FHIT: variants seen among roughly 807,000 people sequenced by gnomAD.
FHIT encodes the protein bis(5'-adenosyl)-triphosphatase.
In FHIT, 19 loss-of-function variants were observed where a neutral mutation model predicts 17.9. The ratio of observed to expected loss-of-function variants is 1.06; its 90% CI spans 0.74 to 1.56. The LOEUF (loss-of-function observed/expected upper bound fraction) is 1.56, where lower values mean the gene tolerates loss of function less well. Ranked by LOEUF, FHIT falls within the 40% of genes most tolerant of loss-of-function variation. FHIT has a pLI of 0.00. For missense variants in FHIT, 248 were observed against 189.2 expected (o/e 1.31, Z -1.82); for synonymous variants, 81 against 69.7 (o/e 1.16, Z -0.81).
intron 5 of FHIT, among the ~76,000 whole-genome samples, chr3:60,421,709 A>G (rs1702474800): frequency 6.6e-6 from 1 of 152,132 alleles, no homozygotes; most frequent in African/African-American, 2.4e-5. Context: ...ACTTTCTCCA[A>G]TTTTTCCCTA....
chr3:60,838,134 G>A (rs974351873), intron 3 of FHIT, among the ~76,000 whole-genome samples: 5 of 152,076 alleles, frequency 3.3e-5, no homozygotes, highest in East Asian at 1.9e-4. Flanking sequence ...GAGTCTCACC[G>A]TGTCATCCAG....
At chr3:60,262,225 T>A (rs1169879352) in intron 5 of FHIT, among the ~76,000 whole-genome samples, 1 of 152,062 alleles carries the variant, frequency 6.6e-6, no homozygotes, top group Non-Finnish European at 1.5e-5. Context: ...CAAAGTATAA[T>A]TTTTAAAAAG....
At chr3:60,052,785 T>A (rs1289621047) in intron 5 of FHIT, among the ~76,000 whole-genome samples, 1 of 148,268 alleles carries the variant, frequency 6.7e-6, no homozygotes, top group Non-Finnish European at 1.5e-5. Context: ...TTATATATAA[T>A]ATAAATAGTA....
intron 4 of FHIT, among the ~76,000 whole-genome samples, chr3:60,629,110 C>G (rs1470702547): frequency 6.6e-6 from 1 of 152,146 alleles, no homozygotes; most frequent in East Asian, 1.9e-4. Flanking sequence ...GCCACTCTCA[C>G]CAAGAACTTA....
intron 4 of FHIT, among the ~76,000 whole-genome samples, chr3:60,538,343 T>C (rs1457971557): frequency 6.6e-6 from 1 of 152,102 alleles, no homozygotes; most frequent in Non-Finnish European, 1.5e-5. Flanking sequence ...AGAACCAGTA[T>C]TGAGAAAATG....
At chr3:60,642,863 C>T (rs1214523035) in intron 4 of FHIT, among the ~76,000 whole-genome samples, 2 of 152,138 alleles carry the variant, frequency 1.3e-5, no homozygotes, top group Non-Finnish European at 2.9e-5. Flanking sequence ...TTGTTAACTC[C>T]TATTCCTATC....
At chr3:60,409,636 A>C (rs1209103789) in intron 5 of FHIT, among the ~76,000 whole-genome samples, 1 of 152,212 alleles carries the variant, frequency 6.6e-6, no homozygotes, top group African/African-American at 2.4e-5. Context: ...CAGTTTACTC[A>C]AGCCATTTGA....
At chr3:61,173,265 G>A (rs2038061305) in intron 2 of FHIT, among the ~76,000 whole-genome samples, 1 of 151,714 alleles carries the variant, frequency 6.6e-6, no homozygotes, top group Non-Finnish European at 1.5e-5. Context: ...CATTGGAGCT[G>A]CTGAAAAGAA....
intron 4 of FHIT, among the ~76,000 whole-genome samples, chr3:60,595,438 T>C (rs2038232106): frequency 2.0e-5 from 3 of 150,254 alleles, no homozygotes; most frequent in Admixed American, 6.6e-5. Context: ...GGAAAGAACA[T>C]GGAGGATCAC....
chr3:60,414,736 T>C (rs942794636), intron 5 of FHIT, among the ~76,000 whole-genome samples: 2 of 152,158 alleles, frequency 1.3e-5, no homozygotes, highest in African/African-American at 4.8e-5. Flanking sequence ...CATAGAGCGT[T>C]CTGAGGATTA....
At chr3:59,913,732 GC>G (rs1704996371) in intron 8 of FHIT, among the ~76,000 whole-genome samples, 1 of 152,104 alleles carries the variant, frequency 6.6e-6, no homozygotes. Flanking sequence ...TACACTAGAA[GC>G]CCAGTATGAT....
At chr3:60,678,651 A>G (rs1361094924) in intron 4 of FHIT, among the ~76,000 whole-genome samples, 1 of 152,174 alleles carries the variant, frequency 6.6e-6, no homozygotes, top group Non-Finnish European at 1.5e-5. Context: ...CAGTTATCCA[A>G]GAGAAAAACT....
chr3:61,049,878 C>T (rs1046477415), intron 2 of FHIT, among the ~76,000 whole-genome samples: 2 of 152,094 alleles, frequency 1.3e-5, no homozygotes, highest in African/African-American at 2.4e-5. Context: ...TTTAGAGGTG[C>T]CCTCCTTATA....
At chr3:59,783,940 T>C (rs907895020) in intron 8 of FHIT, among the ~76,000 whole-genome samples, 3 of 152,182 alleles carry the variant, frequency 2.0e-5, no homozygotes, top group African/African-American at 4.8e-5. Context: ...TTCTGAGTCA[T>C]GTGAATGAAC....
chr3:61,016,143 T>C (rs1286299788), intron 3 of FHIT, among the ~76,000 whole-genome samples: 1 of 152,194 alleles, frequency 6.6e-6, no homozygotes, highest in Non-Finnish European at 1.5e-5. Flanking sequence ...CTGAAGCTCA[T>C]AAGCCACCTG....
chr3:60,021,842 G>A (rs560242461), intron 5 of FHIT, among the ~76,000 whole-genome samples: 3 of 152,322 alleles, frequency 2.0e-5, no homozygotes, highest in South Asian at 4.1e-4. Context: ...GTTTACTAGA[G>A]TGGGATAGCA....
chr3:60,949,846 AC>A (rs1195205002), intron 3 of FHIT, among the ~76,000 whole-genome samples: 1 of 152,244 alleles, frequency 6.6e-6, no homozygotes, highest in Non-Finnish European at 1.5e-5. Context: ...GATGTTCATC[AC>A]TGCATCATTT....
chr3:60,044,301 G>T (rs1701562195), intron 5 of FHIT, among the ~76,000 whole-genome samples: 1 of 152,170 alleles, frequency 6.6e-6, no homozygotes, highest in Non-Finnish European at 1.5e-5. Context: ...TTAACTCCTT[G>T]ATTAACCGTT....
intron 4 of FHIT, among the ~76,000 whole-genome samples, chr3:60,818,783 TG>T (rs1701822638): frequency 6.6e-6 from 1 of 152,306 alleles, no homozygotes; most frequent in African/African-American, 2.4e-5. Flanking sequence ...CATTTTCCTG[TG>T]GCTATGATTG....
Sources: gnomAD v4.1 joint callset for allele counts (sites outside exome capture counted in the v4.1 genomes callset) on GRCh38, gnomAD v4.1.1 for gene constraint, MANE v1.5 for transcripts, NCBI Gene and HGNC (gene_info 2026-07-23, HGNC 2026-07-21) for gene names.